Variants in FAM53B observed in about 807,000 individuals in gnomAD.
FAM53B encodes protein FAM53B.
A neutral mutation model predicts 32.7 loss-of-function variants in FAM53B; 12 were observed. The ratio of observed to expected loss-of-function variants is 0.37; its 90% CI spans 0.24 to 0.59. FAM53B has a LOEUF of 0.59. FAM53B is among the 20% of genes least tolerant of loss of function. The pLI, the probability that FAM53B is intolerant of heterozygous loss-of-function variation, is 0.72. For synonymous variants in FAM53B, 234 were observed against 228.7 expected (o/e 1.02, Z -0.21); for missense variants, 477 against 577.7 (o/e 0.83, Z 1.79).
At chr10:124,684,614 G>C (rs900232559) in intron 3 of FAM53B, among the ~76,000 whole-genome samples, 1 of 152,192 alleles carries the variant, frequency 6.6e-6, no homozygotes, top group Non-Finnish European at 1.5e-5. Context: ...CCACCTCCCA[G>C]ATTCAAGCTA....
rs917641876 is a variant in FAM53B, at chr10:124,696,045, C to A, written c.133+113G>T. ...TAAAACACACAGAAGAGTCCCGGGG[C>A]TGCTCTTTTTGAACTTGTGTCCAGA... On this transcript the variant is annotated intron_variant, in intron 3 of 4. Transcript: ENST00000337318. 13 of 857,156 alleles carry A rather than the reference C, an allele frequency of 1.5e-5. No individual in the cohort carries two copies. The African/African-American group carries it at 2.0e-4, about 13-fold the overall frequency. 53.1% of individuals were successfully genotyped at this position (857,156 alleles called of 1,614,324 possible).
At chr10:124,706,967 G>T in intron 1 of FAM53B, 80 bp from the exon 2 acceptor site, 1 of 1,283,024 alleles carries the variant, frequency 7.8e-7, no homozygotes, top group Non-Finnish European at 1.0e-6. Flanking sequence ...CCACAGTACT[G>T]GAAATCCCAG....
chr10:124,698,773 C>T (rs1949892321), intron 2 of FAM53B, among the ~76,000 whole-genome samples: 1 of 152,160 alleles, frequency 6.6e-6, no homozygotes, highest in African/African-American at 2.4e-5. Flanking sequence ...CCATTCCCCA[C>T]CCTCCATCCA....
intron 4 of FAM53B, among the ~76,000 whole-genome samples, chr10:124,658,744 G>A (rs774624320): frequency 6.6e-5 from 10 of 152,218 alleles, no homozygotes; most frequent in Non-Finnish European, 1.0e-4. Flanking sequence ...CTGCAGTGCA[G>A]TGAGCTAAAG....
chr10:124,628,999 C>T (rs913452094), intron 4 of FAM53B, among the ~76,000 whole-genome samples: 1 of 152,268 alleles, frequency 6.6e-6, no homozygotes, highest in African/African-American at 2.4e-5. Flanking sequence ...CCGGCTCAGG[C>T]CCCGCTTCTA....
At chr10:124,695,176 A>T (rs1949860921) in intron 3 of FAM53B, among the ~76,000 whole-genome samples, 1 of 152,202 alleles carries the variant, frequency 6.6e-6, no homozygotes, top group Non-Finnish European at 1.5e-5. Context: ...GTAACCTTTG[A>T]ATCTGAAAGC....
intron 4 of FAM53B, among the ~76,000 whole-genome samples, chr10:124,649,550 C>A (rs1949542602): frequency 6.6e-6 from 1 of 152,208 alleles, no homozygotes; most frequent in Non-Finnish European, 1.5e-5. Flanking sequence ...TTGCCAAAAT[C>A]CCAGCCACTG....
chr10:124,706,357 A>G (rs1254963654), intron 2 of FAM53B, among the ~76,000 whole-genome samples: 1 of 152,194 alleles, frequency 6.6e-6, no homozygotes, highest in East Asian at 1.9e-4. Context: ...CTGGCTTGGC[A>G]GGCGGCAGAA....
chr10:124,667,234 T>C (rs1423410108), intron 4 of FAM53B: 4 of 566,742 alleles, frequency 7.1e-6, no homozygotes, highest in African/African-American at 3.9e-5. Context: ...GTGGAAATGA[T>C]AGTATTTTGG....
rs1949297140 is a variant in FAM53B at position 124,620,115 on chromosome 10, A to G, written c.*3127T>C. ...TACAAATTCACAAAACTGGCTACAA[A>G]AATTTGGTTGAAAAGTAAGGCTTTC... On this transcript the variant is annotated 3_prime_UTR_variant, in exon 5 of 5. Transcript: ENST00000337318. 1 of 152,686 alleles carries G rather than the reference A, an allele frequency of 6.5e-6. No individual in the cohort carries two copies. Among genetic ancestry groups the G allele is most frequent in the Non-Finnish European group, 1.5e-5 (1 of 68,036 alleles). 9.5% of individuals were successfully genotyped at this position (152,686 alleles called of 1,614,324 possible). A position where few individuals can be genotyped will look rare whatever the true frequency, so the allele number is the denominator to read the frequency against.
intron 2 of FAM53B, among the ~76,000 whole-genome samples, chr10:124,698,248 G>A (rs1221384216): frequency 6.6e-6 from 1 of 152,178 alleles, no homozygotes; most frequent in Non-Finnish European, 1.5e-5. Flanking sequence ...GGCCAGAGAG[G>A]CCACACCAGG....
intron 4 of FAM53B, among the ~76,000 whole-genome samples, chr10:124,646,462 T>G (rs1011848199): frequency 6.6e-6 from 1 of 152,200 alleles, no homozygotes; most frequent in Non-Finnish European, 1.5e-5. Flanking sequence ...CGGAACCGTT[T>G]TGTTACCATC....
In FAM53B at chr10:124,621,255, C is replaced by T. The variant is rs1949308952; in HGVS notation, c.*1987G>A. On this transcript the variant is annotated 3_prime_UTR_variant, in exon 5 of 5. Transcript: ENST00000337318. Reference sequence around the variant, plus strand: ...CCCACGCCCAGTGGTACTCCGGGGGCAAGACATGGCCATGTGCTCTCCACA... The same window carrying T: ...CCCACGCCCAGTGGTACTCCGGGGGTAAGACATGGCCATGTGCTCTCCACA... 1 of 152,280 alleles carries T rather than the reference C, an allele frequency of 6.6e-6. No homozygotes were observed. Among genetic ancestry groups the T allele is most frequent in the African/African-American group, 2.4e-5 (1 of 41,462 alleles). 9.4% of individuals were successfully genotyped at this position (152,280 alleles called of 1,614,324 possible). A position where few individuals can be genotyped will look rare whatever the true frequency, so the allele number is the denominator to read the frequency against.
chr10:124,670,840 A>G (rs978453389), intron 4 of FAM53B, among the ~76,000 whole-genome samples: 2 of 152,052 alleles, frequency 1.3e-5, no homozygotes, highest in Non-Finnish European at 2.9e-5. Flanking sequence ...CATTAGCACA[A>G]ATATTGCCAT....
chr10:124,633,088 G>C (rs1276998803), intron 4 of FAM53B, among the ~76,000 whole-genome samples: 3 of 152,124 alleles, frequency 2.0e-5, no homozygotes, highest in Admixed American at 1.3e-4. Flanking sequence ...CTGTCTCTCT[G>C]TGGACACAGC....
chr10:124,631,868 C>T (rs529862684), intron 4 of FAM53B, among the ~76,000 whole-genome samples: 1 of 152,332 alleles, frequency 6.6e-6, no homozygotes, highest in South Asian at 2.1e-4. Context: ...CGGAAGCAGG[C>T]CCAAGCTCCT....
At chr10:124,639,436 G>A (rs1949456323) in intron 4 of FAM53B, among the ~76,000 whole-genome samples, 1 of 152,192 alleles carries the variant, frequency 6.6e-6, no homozygotes, top group Non-Finnish European at 1.5e-5. Context: ...CTGTCTAGCT[G>A]AGTGGCCTTG....
intron 4 of FAM53B, among the ~76,000 whole-genome samples, chr10:124,653,763 G>T (rs1949569960): frequency 6.6e-6 from 1 of 152,234 alleles, no homozygotes; most frequent in Admixed American, 6.5e-5. Flanking sequence ...GAAATGAACA[G>T]GATGCAAGAA....
intron 2 of FAM53B, among the ~76,000 whole-genome samples, chr10:124,697,423 C>T (rs555070118): frequency 2.8e-4 from 43 of 152,220 alleles, no homozygotes; most frequent in African/African-American, 9.4e-4. Flanking sequence ...TGACTAGGAA[C>T]GCCTGGCCCC....
Sources: gnomAD v4.1 joint callset for allele counts (sites outside exome capture counted in the v4.1 genomes callset) on GRCh38, gnomAD v4.1.1 for gene constraint, MANE v1.5 for transcripts, NCBI Gene and HGNC (gene_info 2026-07-23, HGNC 2026-07-21) for gene names.